Variants in DEPDC4 observed in about 807,000 individuals in gnomAD.
DEPDC4 encodes the protein DEP domain containing 4.
DEPDC4 carries 52 observed loss-of-function variants against 52.0 expected under a neutral mutation model. The observed-to-expected ratio is 1.00, with a 90% CI of 0.80 to 1.26. The LOEUF (loss-of-function observed/expected upper bound fraction) is 1.26, where lower values mean the gene tolerates loss of function less well. Among genes scored for constraint, DEPDC4 ranks in the 50% most tolerant of loss-of-function variants. The probability of loss-of-function intolerance (pLI) is 0.00; values close to 1 mark genes in which losing one functional copy is unlikely to be tolerated. For synonymous variants in DEPDC4, 201 were observed against 196.8 expected (o/e 1.02, Z -0.18); for missense variants, 530 against 546.9 (o/e 0.97, Z 0.31).
chr12:100,245,007 G>A (rs1001058862), intron 8 of DEPDC4, among the ~76,000 whole-genome samples: 2 of 151,838 alleles, frequency 1.3e-5, no homozygotes, highest in Admixed American at 6.6e-5. Flanking sequence ...GACTAGCTGG[G>A]ACTACAGGTG....
chr12:100,255,719 T>C (rs1294856909), intron 4 of DEPDC4, among the ~76,000 whole-genome samples: 1 of 152,190 alleles, frequency 6.6e-6, no homozygotes, highest in Non-Finnish European at 1.5e-5. Context: ...ACGGTTTCTT[T>C]TAGGGCAGGG....
At chr12:100,259,913 A>C (rs1343362144) in intron 3 of DEPDC4, among the ~76,000 whole-genome samples, 1 of 151,784 alleles carries the variant, frequency 6.6e-6, no homozygotes, top group Non-Finnish European at 1.5e-5. Context: ...AAAAACCCAC[A>C]TTAGAGTGAC....
At chr12:100,237,121 C>T (rs1479441060), downstream of DEPDC4, among the ~76,000 whole-genome samples, 1 of 151,886 alleles carries the variant, frequency 6.6e-6, no homozygotes, top group Non-Finnish European at 1.5e-5. Flanking sequence ...TACTGTGATG[C>T]CTCCAGATTT....
At chr12:100,271,937 A>G (rs749948973), upstream of DEPDC4, among the ~76,000 whole-genome samples, 11 of 152,226 alleles carry the variant, frequency 7.2e-5, no homozygotes, top group Admixed American at 2.6e-4. Context: ...ATGAGCAGGC[A>G]GGACTGAAAG....
chr12:100,259,526 A>G (rs1332168388), intron 3 of DEPDC4, among the ~76,000 whole-genome samples: 2 of 152,252 alleles, frequency 1.3e-5, no homozygotes, highest in Non-Finnish European at 2.9e-5. Flanking sequence ...ATAACAACAG[A>G]TGGTTTATTA....
At chr12:100,273,268 A>G in the DEPDC4 span, among the ~76,000 whole-genome samples, 2 of 152,038 alleles carry the variant, frequency 1.3e-5, no homozygotes, top group Non-Finnish European at 2.9e-5. Context: ...TTTTACTCCT[A>G]CAATTCTCCT....
At chr12:100,269,800 C>T (rs2096285346), upstream of DEPDC4, among the ~76,000 whole-genome samples, 2 of 152,084 alleles carry the variant, frequency 1.3e-5, no homozygotes, top group South Asian at 4.1e-4. Flanking sequence ...GGAGCTTTCT[C>T]AGGATACAGA....
At chr12:100,260,124 A>G (rs933922538) in intron 3 of DEPDC4, among the ~76,000 whole-genome samples, 1 of 151,118 alleles carries the variant, frequency 6.6e-6, no homozygotes, top group Non-Finnish European at 1.5e-5. Context: ...TTACCTATAG[A>G]ATTTTTTTTT....
At chr12:100,260,579 T>A (rs2096250058) in intron 3 of DEPDC4, among the ~76,000 whole-genome samples, 1 of 151,100 alleles carries the variant, frequency 6.6e-6, no homozygotes, top group African/African-American at 2.4e-5. Context: ...TTAGTCTTCA[T>A]CAGAGTTCTC....
At position 100,240,459 on chromosome 12, in the gene DEPDC4, G is replaced by A. The variant is rs1040072668; in HGVS notation, c.*1433C>T. On this transcript the variant is annotated 3_prime_UTR_variant, in exon 10 of 10. Coordinates refer to ENST00000550587, the MANE Select transcript of DEPDC4 (RefSeq NM_001364818.2). ...CGGGACTACAGGCATGGGCCACCAA[G>A]GTTGGCCCATAAGAATTTTTCTGTG... Among the ~76,000 whole-genome samples the A allele has an allele frequency of 2.1e-4, 32 of 152,314 alleles. No homozygotes were observed. The highest frequency in any genetic ancestry group is 7.7e-4 in the African/African-American group (32 of 41,568).
At chr12:100,239,638 G>A (rs2153903632), downstream of DEPDC4, among the ~76,000 whole-genome samples, 1 of 151,848 alleles carries the variant, frequency 6.6e-6, no homozygotes, top group East Asian at 2.0e-4. Flanking sequence ...TCCTGCATTG[G>A]CATCCCAATG....
At chr12:100,250,035 T>C (rs1460413895) in intron 7 of DEPDC4, among the ~76,000 whole-genome samples, 1 of 152,106 alleles carries the variant, frequency 6.6e-6, no homozygotes. Context: ...AAGCGTGGCA[T>C]GTTCGAGAGC....
intron 8 of DEPDC4, among the ~76,000 whole-genome samples, chr12:100,247,329 C>T (rs2096190258): frequency 6.6e-6 from 1 of 151,156 alleles, no homozygotes; most frequent in African/African-American, 2.4e-5. Context: ...CCTCAGCCTC[C>T]CAAGTAGCTT....
At chr12:100,235,546 C>T (rs1328974609), downstream of DEPDC4, among the ~76,000 whole-genome samples, 1 of 151,690 alleles carries the variant, frequency 6.6e-6, no homozygotes, top group Non-Finnish European at 1.5e-5. Context: ...CCCTTTCACC[C>T]CCAAGTCCCC....
At chr12:100,245,003 C>G (rs904218963) in intron 8 of DEPDC4, among the ~76,000 whole-genome samples, 1 of 151,914 alleles carries the variant, frequency 6.6e-6, no homozygotes, top group Non-Finnish European at 1.5e-5. Context: ...TCCTGACTAG[C>G]TGGGACTACA....
chr12:100,233,497 T>C (rs1218584567), intron 9 of DEPDC4, among the ~76,000 whole-genome samples: 1 of 152,234 alleles, frequency 6.6e-6, no homozygotes, highest in Non-Finnish European at 1.5e-5. Context: ...TATACATTAC[T>C]ACGTTGTTAA....
intron 3 of DEPDC4, among the ~76,000 whole-genome samples, chr12:100,261,334 C>A (rs1213887873): frequency 6.6e-6 from 1 of 152,200 alleles, no homozygotes; most frequent in Non-Finnish European, 1.5e-5. Flanking sequence ...AGTCTTGCTT[C>A]TGTCATGGTT....
intron 3 of DEPDC4, among the ~76,000 whole-genome samples, chr12:100,259,078 A>AT (rs1361473518): frequency 0.042 from 6,280 of 148,278 alleles, 129 homozygotes; most frequent in Middle Eastern, 0.075. Context: ...CTCAAAAAAA[A>AT]AAAATATATA....
At chr12:100,249,581 GA>G (rs1186065231) in intron 7 of DEPDC4, among the ~76,000 whole-genome samples, 10 of 152,324 alleles carry the variant, frequency 6.6e-5, no homozygotes, top group Admixed American at 6.5e-4. Flanking sequence ...TGTATCTGGA[GA>G]AATAATCCAT....
Sources: allele counts gnomAD v4.1 joint callset (sites outside exome capture counted in the v4.1 genomes callset), GRCh38; gene constraint gnomAD v4.1.1; transcripts MANE v1.5; gene names NCBI Gene and HGNC (gene_info 2026-07-23, HGNC 2026-07-21).